The following RNF213 variants were observed in gnomAD, a reference collection of about 807,000 sequenced individuals.
RNF213 encodes E3 ubiquitin-protein ligase RNF213.
In RNF213, 341 loss-of-function variants were observed where a neutral mutation model predicts 514.4. The observed-to-expected ratio is 0.66, with a 90% confidence interval of 0.61 to 0.73. The LOEUF (loss-of-function observed/expected upper bound fraction) is 0.73. Ranked by LOEUF, RNF213 falls within the 30% of genes least tolerant of loss-of-function variation. The pLI is 0.00. For missense variants in RNF213, 5,767 were observed against 6,615.6 expected (o/e 0.87, Z 4.45); for synonymous variants, 2,655 against 2,658.2 (o/e 1.00, Z 0.04).
intron 57 of RNF213, 172 bp downstream of exon 57, chr17:80,381,899 C>A (rs934075356): frequency 4.3e-6 from 3 of 696,782 alleles, no homozygotes; most frequent in African/African-American, 3.6e-5. Flanking sequence ...GAAGGCGATG[C>A]CTGGGGCTGG....
chr17:80,353,494 C>G lies in RNF213; in HGVS notation c.10424-18C>G, dbSNP rs751339941. ...CACCTTCTGAGTGGTAACGCAATCA[C>G]GTTTGCTTCGACTGCAGTGGGCTTG... is the stretch of plus-strand genomic sequence containing the variant. On this transcript the variant is annotated intron_variant, in intron 33 of 67. Coordinates refer to ENST00000582970, the MANE Select transcript of RNF213 (RefSeq NM_001256071.3). The surrounding 1 kb of genome is among the most constrained non-coding windows in gnomAD (Gnocchi z 5.0). The G allele has an allele frequency of 2.5e-6, 4 of 1,598,190 alleles. No individual in the cohort carries two copies. The highest frequency in any genetic ancestry group is 2.6e-6 in the Non-Finnish European group (3 of 1,172,292).
intron 2 of RNF213, among the ~76,000 whole-genome samples, chr17:80,271,744 C>T (rs555575882): frequency 1.3e-5 from 2 of 151,862 alleles, no homozygotes; most frequent in South Asian, 2.1e-4. Flanking sequence ...TTTGGGAGGC[C>T]GAGGTGGGCG....
Position 80,396,337 on chromosome 17 carries a change from ATG to A in RNF213, c.*2843_*2844del, listed in dbSNP as rs1173642422. 6.6e-6 allele frequency: 1 copy of A among 152,204 alleles called. No homozygotes were observed. Among genetic ancestry groups the A allele is most frequent in the Non-Finnish European group, 1.5e-5 (1 of 68,038 alleles). The allele number at this position is 152,204 out of a possible 1,614,324, so 9.4% of individuals were successfully genotyped here. A position where few individuals can be genotyped will look rare whatever the true frequency, so the allele number is the denominator to read the frequency against. On this transcript the variant is annotated 3_prime_UTR_variant, in exon 68 of 68. Coordinates refer to ENST00000582970, the MANE Select transcript of RNF213 (RefSeq NM_001256071.3). ...CATGAATAGTTATGAGACTTTGTGC[ATG>A]TGTTAACCGAGACGGCCCTGAGCTA...
chr17:80,321,820 G>C (rs1210820575), intron 17 of RNF213, among the ~76,000 whole-genome samples: 3 of 151,922 alleles, frequency 2.0e-5, no homozygotes, highest in Non-Finnish European at 2.9e-5. Context: ...CCACCTCCTG[G>C]GTTCAAGCAA....
Position 80,386,838 on chromosome 17 carries a change from C to T in RNF213, c.14869C>T (p.Gln4957Ter). 6.2e-7 allele frequency: 1 copy of T among 1,614,136 alleles called. No homozygotes were observed. The change falls in exon 63 of 68, where the codon CAG becomes TAG. Residue 4957 changes from glutamine to a stop codon, truncating the protein, a stop_gained. Transcript: ENST00000582970. LOFTEE classifies it high-confidence loss of function. ...GCAGGAGTTCGATCTGGAGAAGATT[C>T]AGCGGCAGATCGTCAGCCGCTTCCT... ...TVQEFDLEKI[Q>*]RQIVSRFLQG...
intron 47 of RNF213, among the ~76,000 whole-genome samples, chr17:80,372,289 A>C (rs1377529462): frequency 6.6e-6 from 1 of 152,132 alleles, no homozygotes. Context: ...AATTTTTATA[A>C]TGTAAATAAA....
chr17:80,313,497 G>A (rs1317673538), intron 15 of RNF213, among the ~76,000 whole-genome samples: 6 of 13,050 alleles, frequency 4.6e-4, no homozygotes, highest in African/African-American at 1.3e-3. Context: ...ATGGTTGGTG[G>A]TGGTGGTGGT....
intron 46 of RNF213, among the ~76,000 whole-genome samples, chr17:80,371,238 A>G (rs368073561): frequency 1.3e-5 from 2 of 152,280 alleles, no homozygotes; most frequent in Non-Finnish European, 2.9e-5. Flanking sequence ...ACCTCTAGAC[A>G]TGACCATTTA....
chr17:80,295,243 G>A (rs2044891673), intron 9 of RNF213, among the ~76,000 whole-genome samples: 1 of 152,204 alleles, frequency 6.6e-6, no homozygotes, highest in African/African-American at 2.4e-5. Context: ...CCTGGCCTTG[G>A]AGGGAGAGTG....
At chr17:80,330,716 C>T (rs988861341) in intron 20 of RNF213, among the ~76,000 whole-genome samples, 4 of 152,348 alleles carry the variant, frequency 2.6e-5, no homozygotes, top group Admixed American at 6.5e-5. Flanking sequence ...CGCCCCCCTG[C>T]GTTATCCTTT....
At chr17:80,321,682 G>T (rs1038458077) in intron 17 of RNF213, among the ~76,000 whole-genome samples, 8 of 152,136 alleles carry the variant, frequency 5.3e-5, no homozygotes, top group Non-Finnish European at 1.2e-4. Flanking sequence ...CTAACTTTTT[G>T]ATTCTAGCCA....
At chr17:80,384,656 C>G (rs1384539071) in intron 59 of RNF213, among the ~76,000 whole-genome samples, 1 of 152,160 alleles carries the variant, frequency 6.6e-6, no homozygotes, top group Non-Finnish European at 1.5e-5. Context: ...CCTAGGTCTT[C>G]GGAAGGACAC....
intron 37 of RNF213, among the ~76,000 whole-genome samples, chr17:80,359,560 AGAGG>A (rs1235933680): frequency 1.5e-4 from 21 of 140,774 alleles, no homozygotes; most frequent in African/African-American, 4.1e-4. Context: ...AAAGAGTGAG[AGAGG>A]GAGGGAGACA....
Position 80,386,411 on chromosome 17 carries a change from C to T in RNF213, c.14701C>T (p.Leu4901Phe), listed in dbSNP as rs141825791. Residue 4901 changes from leucine to phenylalanine, a missense_variant, in exon 62 of 68, where the codon CTC becomes TTC. Physicochemically the swap from Leu to Phe is conservative, Grantham distance 22. Coordinates refer to ENST00000582970, the MANE Select transcript of RNF213 (RefSeq NM_001256071.3). ...TGAAATTGTCTACGCCGTGGAAAAACTCTCCAAGGAAAACAACAGGTTTGT... is the reference window on the plus strand; with the variant it reads ...TGAAATTGTCTACGCCGTGGAAAAATTCTCCAAGGAAAACAACAGGTTTGT... ...HNEIVYAVEK[L>F]SKENNSYSVD... The T allele has an allele frequency of 6.1e-5, 99 of 1,614,036 alleles. No individual in the cohort carries two copies. The highest frequency in any genetic ancestry group is 1.6e-4 in the Middle Eastern group (1 of 6,084).
In RNF213 at chr17:80,307,137, G is replaced by T; in HGVS notation, c.2437G>T (p.Asp813Tyr). The change falls in exon 13 of 68, where the codon GAT becomes TAT. Residue 813 changes from aspartate to tyrosine, a missense_variant. By Grantham distance (160) the Asp-to-Tyr change is radical. Coordinates refer to ENST00000582970, the MANE Select transcript of RNF213 (RefSeq NM_001256071.3). ...TTTTTCTCTGCCTTAGGATGTTCAG[G>T]ATGTTCAGAACGTTCAGAACATTTT... ...EQVLNTQDVQ[D>Y]VQNVQNILEM... The T allele has an allele frequency of 6.2e-7, 1 of 1,613,572 alleles. No homozygotes were observed. Among genetic ancestry groups the T allele is most frequent in the South Asian group, 1.1e-5 (1 of 91,040 alleles).
intron 20 of RNF213, among the ~76,000 whole-genome samples, chr17:80,329,488 T>C (rs554201303): frequency 2.6e-4 from 39 of 152,216 alleles, no homozygotes; most frequent in Non-Finnish European, 5.3e-4. Flanking sequence ...CTTGAGCTCT[T>C]TCTGTTACTC....
chr17:80,340,281 C>G lies in RNF213; in HGVS notation c.5914C>G (p.Gln1972Glu), dbSNP rs931017135. The G allele has an allele frequency of 6.2e-7, 1 of 1,613,956 alleles. No individual in the cohort carries two copies. Among genetic ancestry groups the G allele is most frequent in the African/African-American group, 1.3e-5 (1 of 74,946 alleles). Residue 1972 changes from glutamine (Q) to glutamate (E), a missense_variant, in exon 26 of 68, where the codon CAG becomes GAG. Gln to Glu is a conservative substitution (Grantham distance 29). This residue lies in a region of RNF213 where 1,377 missense variants were observed against 1,635.2 expected (regional missense o/e 0.84). Transcript: ENST00000582970. Reference protein sequence around the residue: ...YLAGHYRVPKQTLSAAAVFND... With the variant: ...YLAGHYRVPKETLSAAAVFND... The stretch of plus-strand genomic sequence containing the variant: ...GGCAGGTCACTACCGGGTCCCGAAG[C>G]AGACCCTGTCGGCGGCAGCCGTGTT...
At position 80,270,885 on chromosome 17, in the gene RNF213, C is replaced by T. The variant is rs144262057; in HGVS notation, c.98-2356C>T. 4.5e-3 allele frequency among the ~76,000 whole-genome samples: 685 copies of T among 152,268 alleles called. 8 individuals carry two copies. The highest frequency in any genetic ancestry group is 0.015 in the African/African-American group (641 of 41,544). On this transcript the variant is annotated intron_variant, in intron 2 of 67. Transcript: ENST00000582970. Reference sequence around the variant, plus strand: ...TGACAGCTCTGCCCTTCTCCACTGCCAGCTTTGTCTGCAGGTGGAGGAGAA... The same window carrying T: ...TGACAGCTCTGCCCTTCTCCACTGCTAGCTTTGTCTGCAGGTGGAGGAGAA...
rs1303163323 is a variant in RNF213 at position 80,396,606 on chromosome 17, CATG to C, written c.*3111_*3113del. The C allele has an allele frequency of 6.6e-6, 1 of 152,160 alleles. No homozygotes were observed. The highest frequency in any genetic ancestry group is 1.5e-5 in the Non-Finnish European group (1 of 68,036). The allele number at this position is 152,160 out of a possible 1,614,324, so 9.4% of individuals were successfully genotyped here. A position where few individuals can be genotyped will look rare whatever the true frequency, so the allele number is the denominator to read the frequency against. On this transcript the variant is annotated 3_prime_UTR_variant, in exon 68 of 68. Transcript: ENST00000582970. ...CCTCGAGCTGAGTAACAATCCAAGC[CATG>C]ATTAGCATTTATATTGCATTCTGCA... is the stretch of plus-strand genomic sequence containing the variant.
Sources: allele counts gnomAD v4.1 joint callset (sites outside exome capture counted in the v4.1 genomes callset), GRCh38; gene constraint gnomAD v4.1.1; regional missense constraint gnomAD v4.1.1; non-coding constraint Gnocchi (gnomAD v3.1); transcripts MANE v1.5; gene names NCBI Gene and HGNC (gene_info 2026-07-23, HGNC 2026-07-21).